NTRK3: variants seen among roughly 807,000 people sequenced by gnomAD.
The protein encoded by NTRK3 is NT-3 growth factor receptor.
In NTRK3, 24 loss-of-function variants were observed where a neutral mutation model predicts 91.7. That is an observed-to-expected ratio of 0.26 (90% CI 0.19 to 0.37). The LOEUF (loss-of-function observed/expected upper bound fraction) is 0.37. Ranked by LOEUF, NTRK3 falls within the 10% of genes least tolerant of loss-of-function variation. NTRK3 has a pLI of 1.00. For missense variants in NTRK3, 880 were observed against 1,068.9 expected (o/e 0.82, Z 2.46); for synonymous variants, 483 against 404.0 (o/e 1.20, Z -2.34).
intron 5 of NTRK3, among the ~76,000 whole-genome samples, chr15:88,180,845 CA>C (rs1478525437): frequency 6.6e-6 from 1 of 152,104 alleles, no homozygotes; most frequent in East Asian, 1.9e-4. Flanking sequence ...GCCCATTTGC[CA>C]GGAGAAAATG....
chr15:88,019,097 G>A (rs1015773898), intron 14 of NTRK3, among the ~76,000 whole-genome samples: 6 of 152,082 alleles, frequency 3.9e-5, no homozygotes, highest in Admixed American at 2.6e-4. Flanking sequence ...GTCTAGCCTT[G>A]AACATTAGCA....
chr15:87,870,504 C>T (rs2064801588), exon 19 of NTRK3: 1 of 207,848 alleles, frequency 4.8e-6, no homozygotes, highest in Non-Finnish European at 9.8e-6. Flanking sequence ...GATGGGTGTG[C>T]CAAAATCTCA....
At chr15:87,918,042 C>A (rs1035908669) in intron 17 of NTRK3, among the ~76,000 whole-genome samples, 1 of 151,794 alleles carries the variant, frequency 6.6e-6, no homozygotes, top group Non-Finnish European at 1.5e-5. Context: ...CATAGTTGCC[C>A]CTTACAAACT....
intron 13 of NTRK3, among the ~76,000 whole-genome samples, chr15:88,114,747 G>A (rs1224032908): frequency 2.0e-5 from 3 of 152,186 alleles, no homozygotes; most frequent in African/African-American, 2.4e-5. Flanking sequence ...CCAGTGGCAG[G>A]AAATTAGGAA....
chr15:87,962,059 T>C (rs1431507051), intron 14 of NTRK3, among the ~76,000 whole-genome samples: 1 of 152,182 alleles, frequency 6.6e-6, no homozygotes, highest in East Asian at 1.9e-4. Flanking sequence ...CTCTAACAGA[T>C]GACCAACAAA....
intron 13 of NTRK3, among the ~76,000 whole-genome samples, chr15:88,057,165 T>C (rs1334714648): frequency 7.7e-6 from 1 of 130,058 alleles, no homozygotes; most frequent in African/African-American, 3.0e-5. Context: ...CGAAACTCCG[T>C]CTCAAAAAAA....
rs138808959 is a variant in NTRK3 at position 87,933,270 on chromosome 15, C to CTGGG, written c.1717-87_1717-86insCCCA. 8.3e-3 allele frequency: 10,829 copies of CTGGG among 1,298,802 alleles called. 702 individuals are homozygous for CTGGG. In the African/African-American group the frequency reaches 0.14, roughly 17 times the overall value. The allele number at this position is 1,298,802 out of a possible 1,614,324, so 80.5% of individuals were successfully genotyped here. A position where few individuals can be genotyped will look rare whatever the true frequency, so the allele number is the denominator to read the frequency against. ...CTCCTGGAAAGAAACTGGCCCCACA[C>CTGGG]ACCACTGGGTTACCAATAAATATGA... On this transcript the variant is annotated intron_variant, in intron 15 of 18. Transcript: ENST00000394480.
chr15:88,254,332 G>T (rs974346560), intron 3 of NTRK3, among the ~76,000 whole-genome samples: 2 of 152,072 alleles, frequency 1.3e-5, no homozygotes, highest in Non-Finnish European at 1.5e-5. Context: ...TGCAGTGGGG[G>T]AGAGGCACAG....
intron 12 of NTRK3, among the ~76,000 whole-genome samples, chr15:88,126,593 C>A (rs553986131): frequency 7.9e-5 from 12 of 152,270 alleles, no homozygotes; most frequent in Admixed American, 5.2e-4. Flanking sequence ...GAAAGTTCCA[C>A]GATTCAATGT....
At chr15:88,152,991 T>C (rs922257040) in intron 5 of NTRK3, among the ~76,000 whole-genome samples, 8 of 152,250 alleles carry the variant, frequency 5.3e-5, no homozygotes, top group South Asian at 4.1e-4. Context: ...GGATTCATTC[T>C]GCTGCTTGCA....
At position 87,926,250 on chromosome 15, in the gene NTRK3, T is replaced by C. The variant is rs551152245; in HGVS notation, c.2133+2941A>G. 1.1e-4 allele frequency among the ~76,000 whole-genome samples: 17 copies of C among 152,346 alleles called. No homozygotes were observed. The South Asian group carries it at 3.5e-3, about 32-fold the overall frequency. ...GCAAATCTACTTCTGCCTTTCATTT[T>C]ACAGAAAAGTAGGGAATGAGGAGTG... On this transcript the variant is annotated intron_variant, in intron 17 of 18. Coordinates refer to ENST00000394480, the Ensembl canonical transcript of NTRK3.
chr15:88,092,387 G>C (rs551803930), intron 13 of NTRK3, among the ~76,000 whole-genome samples: 1 of 152,158 alleles, frequency 6.6e-6, no homozygotes, highest in East Asian at 1.9e-4. Context: ...AAACATACAA[G>C]CAACTGCTGC....
Position 88,019,393 on chromosome 15 carries a change from T to C in NTRK3, c.1585+13464A>G, listed in dbSNP as rs576278962. Among the ~76,000 whole-genome samples, 5 of 152,322 alleles carry C rather than the reference T, an allele frequency of 3.3e-5. No homozygotes were observed. In the East Asian group the frequency reaches 5.8e-4, roughly 18 times the overall value. Reference sequence around the variant, plus strand: ...TTCCTGTTTCTTGCTAACAGAGCCCTGTGATTCTATGGAGACATATGCCCT... The same window carrying C: ...TTCCTGTTTCTTGCTAACAGAGCCCCGTGATTCTATGGAGACATATGCCCT... On this transcript the variant is annotated intron_variant, in intron 14 of 18. Coordinates refer to ENST00000394480, the Ensembl canonical transcript of NTRK3.
chr15:87,998,782 C>T (rs912062552), intron 14 of NTRK3, among the ~76,000 whole-genome samples: 3 of 152,260 alleles, frequency 2.0e-5, no homozygotes, highest in South Asian at 2.1e-4. Flanking sequence ...TAATTAAAGG[C>T]CCCCAGAAGA....
chr15:87,948,061 C>T (rs536417502), intron 14 of NTRK3, among the ~76,000 whole-genome samples: 2 of 152,120 alleles, frequency 1.3e-5, no homozygotes, highest in Admixed American at 1.3e-4. Context: ...TCTCACCTCA[C>T]GCCTTCTATG....
intron 14 of NTRK3, among the ~76,000 whole-genome samples, chr15:87,950,759 C>T (rs912539429): frequency 7.2e-5 from 11 of 152,178 alleles, no homozygotes; most frequent in African/African-American, 2.2e-4. Flanking sequence ...CATAAAAGTT[C>T]GGGAAGGAAT....
chr15:88,165,241 C>T (rs2044824496), intron 5 of NTRK3, among the ~76,000 whole-genome samples: 1 of 152,142 alleles, frequency 6.6e-6, no homozygotes, highest in African/African-American at 2.4e-5. Flanking sequence ...TGTGTTTCTG[C>T]TTGTAGTTCT....
chr15:87,991,231 CT>C (rs2075264440), intron 14 of NTRK3, among the ~76,000 whole-genome samples: 1 of 152,160 alleles, frequency 6.6e-6, no homozygotes, highest in South Asian at 2.1e-4. Flanking sequence ...AAGCATCAGT[CT>C]TTTCACCCCT....
intron 14 of NTRK3, among the ~76,000 whole-genome samples, chr15:87,941,823 C>T (rs555145224): frequency 1.3e-5 from 2 of 152,220 alleles, no homozygotes; most frequent in Non-Finnish European, 2.9e-5. Context: ...AGGAGTTGTA[C>T]AAGCAGTGGG....
Sources: allele counts gnomAD v4.1 joint callset (sites outside exome capture counted in the v4.1 genomes callset), GRCh38; gene constraint gnomAD v4.1.1; transcripts MANE v1.5; gene names NCBI Gene and HGNC (gene_info 2026-07-23, HGNC 2026-07-21).